Variants in VRTN observed in about 807,000 individuals in gnomAD.
VRTN encodes the protein vertnin.
Under a neutral mutation model 18.2 loss-of-function variants are expected in VRTN, and 5 were observed. That is an observed-to-expected ratio of 0.27 (90% confidence interval 0.14 to 0.58). The LOEUF (loss-of-function observed/expected upper bound fraction) is 0.58, where lower values mean the gene tolerates loss of function less well. Ranked by LOEUF, VRTN falls within the 20% of genes least tolerant of loss-of-function variation. The pLI is 0.91. For missense variants in VRTN, 741 were observed against 939.4 expected, an observed-to-expected ratio of 0.79 and a Z score of 2.76; for synonymous variants, 381 against 393.7, an observed-to-expected ratio of 0.97 and a Z score of 0.38.
At chr14:74,310,529 CTCTGTTT>C (rs2085381131) in intron 1 of VRTN, among the ~76,000 whole-genome samples, 1 of 145,772 alleles carries the variant, frequency 6.9e-6, no homozygotes, top group Non-Finnish European at 1.5e-5. Flanking sequence ...GGCATGCTGC[CTCTGTTT>C]TTTTTTTTTT....
chr14:74,307,285 C>T (rs1255939814), intron 1 of VRTN, among the ~76,000 whole-genome samples: 3 of 151,842 alleles, frequency 2.0e-5, no homozygotes, highest in East Asian at 1.9e-4. Flanking sequence ...CCCGCCACCA[C>T]GCCCGGCTAA....
At chr14:74,322,324 A>T (rs1271888330) in intron 1 of VRTN, among the ~76,000 whole-genome samples, 1 of 151,438 alleles carries the variant, frequency 6.6e-6, no homozygotes, top group Middle Eastern at 3.2e-3. Flanking sequence ...TAATTTTTAT[A>T]TTTTTTATAG....
At chr14:74,331,587 T>TATAC in intron 1 of VRTN, among the ~76,000 whole-genome samples, 1 of 112,966 alleles carries the variant, frequency 8.9e-6, no homozygotes, top group Non-Finnish European at 1.8e-5. Flanking sequence ...TATATATATA[T>TATAC]ATACAAAAAA....
intron 1 of VRTN, among the ~76,000 whole-genome samples, chr14:74,321,832 T>A (rs1336036672): frequency 6.7e-6 from 1 of 149,128 alleles, no homozygotes; most frequent in Non-Finnish European, 1.5e-5. Context: ...AATGTATTTT[T>A]ATTTTATTAT....
At chr14:74,326,530 C>T (rs999067264) in intron 1 of VRTN, among the ~76,000 whole-genome samples, 23 of 152,150 alleles carry the variant, frequency 1.5e-4, no homozygotes, top group African/African-American at 5.1e-4. Flanking sequence ...CATATCTAAA[C>T]CTTCCAGCCC....
rs368605031 is a variant in VRTN, at chr14:74,357,472, A to T, written c.689A>T (p.His230Leu). 7 of 1,611,900 alleles carry T rather than the reference A, an allele frequency of 4.3e-6. No individual in the cohort carries two copies. In the African/African-American group the frequency reaches 8.0e-5, roughly 18 times the overall value. Residue 230 changes from histidine (H) to leucine (L), a missense_variant, in exon 2 of 2, where the codon CAC becomes CTC. By Grantham distance (99) the His-to-Leu change is moderately conservative. Around this residue, in one of 3 missense-constraint regions of VRTN, gnomAD observed 494 missense variants for 546.5 expected, o/e 0.90. Coordinates refer to ENST00000256362, the MANE Select transcript of VRTN (RefSeq NM_018228.3). This position sits in a 1 kb window ranked among gnomAD's most constrained non-coding sequence, Gnocchi z 7.8. Reference protein sequence around the residue: ...IMWAGQPLTSHFFRHQYFAPV... With the variant: ...IMWAGQPLTSLFFRHQYFAPV... ...TGGGCTGGCCAGCCCCTCACCAGCC[A>T]CTTCTTCCGCCACCAGTACTTTGCC...
In VRTN at chr14:74,357,155, C is replaced by G. The variant is rs538076750; in HGVS notation, c.372C>G (p.Ile124Met). 6 of 1,597,752 alleles carry G rather than the reference C, an allele frequency of 3.8e-6. No homozygotes were observed. The highest frequency in any genetic ancestry group is 1.3e-5 in the African/African-American group (1 of 74,712). Residue 124 changes from isoleucine to methionine, a missense_variant, in exon 2 of 2, where the codon ATC becomes ATG. By Grantham distance (10) the Ile-to-Met change is conservative. This residue lies in a region of VRTN where 186 missense variants were observed against 288.3 expected (regional missense o/e 0.65). Transcript: ENST00000256362. The surrounding 1 kb of genome is among the most constrained non-coding windows in gnomAD (Gnocchi z 7.8). ...GACACTACTACCTCCAGGGCATGAT[C>G]GACTCCAAAGTGATGCTGCAGGCCG... ...LHRHYYLQGM[I>M]DSKVMLQAVR...
chr14:74,314,594 G>A (rs564593843), intron 1 of VRTN, among the ~76,000 whole-genome samples: 1 of 151,942 alleles, frequency 6.6e-6, no homozygotes, highest in Non-Finnish European at 1.5e-5. Context: ...AGTAGAGATG[G>A]GGTTTCATCG....
At chr14:74,314,799 G>C (rs773676901) in intron 1 of VRTN, among the ~76,000 whole-genome samples, 9 of 152,204 alleles carry the variant, frequency 5.9e-5, no homozygotes, top group Non-Finnish European at 1.3e-4. Context: ...GTAACAGACT[G>C]AGTGGGGAAA....
chr14:74,329,784 C>T (rs1455344133), intron 1 of VRTN, among the ~76,000 whole-genome samples: 5 of 151,894 alleles, frequency 3.3e-5, no homozygotes, highest in Admixed American at 6.6e-5. Context: ...ACCATGTTGG[C>T]CAAGCTGGTC....
intron 1 of VRTN, among the ~76,000 whole-genome samples, chr14:74,349,487 T>A (rs2085669628): frequency 1.3e-5 from 2 of 152,212 alleles, no homozygotes; most frequent in Non-Finnish European, 1.5e-5. Flanking sequence ...GCAGGTTGAC[T>A]ATAGAGAACA....
intron 1 of VRTN, among the ~76,000 whole-genome samples, chr14:74,312,505 C>T (rs1323365174): frequency 1.3e-5 from 2 of 152,058 alleles, no homozygotes; most frequent in Non-Finnish European, 2.9e-5. Context: ...GGCTGGAGTG[C>T]AGTGATGTAG....
Position 74,332,335 on chromosome 14 carries a change from GTTTTTTTTTTTTTTTTTTTTTTTTT to G in VRTN, c.-163-5371_-163-5347del, listed in dbSNP as rs67857502. On this transcript the variant is annotated intron_variant, in intron 1 of 2. Coordinates refer to the VRTN transcript ENST00000557177. ...CCTCCGGAGGATCGACTCCTAATCT[GTTTTTTTTTTTTTTTTTTTTTTTTT>G]TTTTTTTTTTTTTTTTAGATGGAGT... 2.3e-4 allele frequency among the ~76,000 whole-genome samples: 9 copies of G among 39,588 alleles called. 1 individual carries two copies. The highest frequency in any genetic ancestry group is 8.6e-4 in the Admixed American group (2 of 2,330). 26.0% of individuals were successfully genotyped at this position (39,588 alleles called of 152,430 possible).
intron 1 of VRTN, among the ~76,000 whole-genome samples, chr14:74,310,437 G>C (rs2085380478): frequency 6.7e-6 from 1 of 149,618 alleles, no homozygotes; most frequent in African/African-American, 2.5e-5. Flanking sequence ...CATTGCCATA[G>C]TGATTCAGAA....
intron 1 of VRTN, among the ~76,000 whole-genome samples, chr14:74,316,199 A>G (rs1351251657): frequency 6.6e-6 from 1 of 151,976 alleles, no homozygotes; most frequent in Non-Finnish European, 1.5e-5. Flanking sequence ...GTGGTCAGGG[A>G]AGGACTCTCC....
intron 1 of VRTN, among the ~76,000 whole-genome samples, chr14:74,323,056 C>T (rs956599853): frequency 7.9e-5 from 12 of 151,872 alleles, no homozygotes; most frequent in African/African-American, 1.5e-4. Context: ...TCACTTGAAC[C>T]CAGGAGGTGG....
At chr14:74,304,824 G>A (rs1010147602) in intron 1 of VRTN, among the ~76,000 whole-genome samples, 3 of 152,144 alleles carry the variant, frequency 2.0e-5, no homozygotes, top group African/African-American at 7.2e-5. Flanking sequence ...CTTTATTCAA[G>A]TATGTCTTTC....
At chr14:74,320,298 T>C in intron 1 of VRTN, among the ~76,000 whole-genome samples, 1 of 132,848 alleles carries the variant, frequency 7.5e-6, no homozygotes, top group Admixed American at 8.4e-5. Context: ...TCTCGCTCTG[T>C]CGCCCAGGCT....
upstream of VRTN, among the ~76,000 whole-genome samples, chr14:74,345,733 G>A (rs1039772455): frequency 1.3e-5 from 2 of 150,554 alleles, no homozygotes; most frequent in South Asian, 2.1e-4. Context: ...AGACCACCCC[G>A]GCCAACATGG....
Sources: gnomAD v4.1 joint callset for allele counts (sites outside exome capture counted in the v4.1 genomes callset) on GRCh38, gnomAD v4.1.1 for gene constraint, gnomAD v4.1.1 regional missense constraint, Gnocchi (gnomAD v3.1) non-coding constraint, MANE v1.5 for transcripts, NCBI Gene and HGNC (gene_info 2026-07-23, HGNC 2026-07-21) for gene names.